TENT4A: variants seen among roughly 807,000 people sequenced by gnomAD.
TENT4A encodes the protein terminal nucleotidyltransferase 4A, also known as DNA polymerase kappa.
Under a neutral mutation model 72.8 loss-of-function variants are expected in TENT4A, and 7 were observed. The ratio of observed to expected loss-of-function variants is 0.10; its 90% confidence interval spans 0.05 to 0.18. TENT4A has a LOEUF of 0.18. Ranked by LOEUF, TENT4A falls within the 10% of genes least tolerant of loss-of-function variation. TENT4A has a pLI of 1.00. For synonymous variants in TENT4A, 456 were observed against 434.3 expected, an observed-to-expected ratio of 1.05 and a Z score of -0.62; for missense variants, 831 against 1,017.7, an observed-to-expected ratio of 0.82 and a Z score of 2.50.
At position 6,755,407 on chromosome 5, in the gene TENT4A, T is replaced by C. The variant is rs181234493; in HGVS notation, c.*462T>C. 24 of 154,318 alleles carry C rather than the reference T, an allele frequency of 1.6e-4. No homozygotes were observed. Among genetic ancestry groups the C allele is most frequent in the Admixed American group, 1.4e-3 (22 of 15,344 alleles). 9.6% of individuals were successfully genotyped at this position (154,318 alleles called of 1,614,324 possible). A position where few individuals can be genotyped will look rare whatever the true frequency, so the allele number is the denominator to read the frequency against. ...CACATTTTGTTTGAAATTTCAGAAC[T>C]GTTTTTCTATGTAAATATTGAAAAC... On this transcript the variant is annotated 3_prime_UTR_variant, in exon 13 of 13. Transcript: ENST00000230859.
chr5:6,714,536 C>T lies in TENT4A; in HGVS notation c.553C>T (p.Pro185Ser), dbSNP rs1740260543. Reference protein sequence around the residue: ...AGSPSQHQFHPGRRKRENKAS... With the variant: ...AGSPSQHQFHSGRRKRENKAS... ...CTCCCCGTCGCAGCACCAGTTCCACCCGGGTCGCCGGAAACGCGAGAACAA... is the reference window on the plus strand; with the variant it reads ...CTCCCCGTCGCAGCACCAGTTCCACTCGGGTCGCCGGAAACGCGAGAACAA... The change falls in exon 1 of 13, where the codon CCG becomes TCG. Residue 185 changes from proline (P) to serine (S), a missense_variant. Coordinates refer to ENST00000230859, the MANE Select transcript of TENT4A (RefSeq NM_006999.6). 7 of 1,195,252 alleles carry T rather than the reference C, an allele frequency of 5.9e-6. No individual in the cohort carries two copies. Among genetic ancestry groups the T allele is most frequent in the African/African-American group, 1.6e-5 (1 of 62,800 alleles). The allele number at this position is 1,195,252 out of a possible 1,614,324, so 74.0% of individuals were successfully genotyped here.
In TENT4A at chr5:6,752,910, C is replaced by T. The variant is rs1166219449; in HGVS notation, c.2057C>T (p.Ala686Val). The T allele has an allele frequency of 6.2e-7, 1 of 1,614,184 alleles. No homozygotes were observed. The highest frequency in any genetic ancestry group is 1.7e-5 in the Admixed American group (1 of 60,020). ...FTIPPPTLGV[A>V]PVPCRQAGVE... ...ATACCTCCACCGACCCTAGGGGTTG[C>T]TCCTGTTCCTTGCAGACAAGCTGGT... The change falls in exon 12 of 13, where the codon GCT (alanine) becomes GTT (valine). Residue 686 changes from alanine to valine, a missense_variant. Physicochemically the swap from Ala to Val is moderately conservative, Grantham distance 64. Coordinates refer to ENST00000230859, the MANE Select transcript of TENT4A (RefSeq NM_006999.6).
chr5:6,750,906 C>T (rs1052272588), intron 10 of TENT4A, 133 bp from the exon 11 acceptor site: 1 of 953,892 alleles, frequency 1.0e-6, no homozygotes, highest in Non-Finnish European at 1.6e-6. Context: ...GCTGCCTGTT[C>T]AGAAGTTAGA....
chr5:6,747,406 A>T (rs1742163264), intron 7 of TENT4A, among the ~76,000 whole-genome samples: 1 of 151,758 alleles, frequency 6.6e-6, no homozygotes. Flanking sequence ...GTATTTTTTT[A>T]TTCAGCTCCT....
At chr5:6,736,525 T>C (rs577741613) in intron 1 of TENT4A, among the ~76,000 whole-genome samples, 2 of 152,262 alleles carry the variant, frequency 1.3e-5, no homozygotes, top group Non-Finnish European at 2.9e-5. Context: ...TGATTTGTTA[T>C]AATTCCTAGG....
In TENT4A at chr5:6,750,399, G is replaced by C. The variant is rs993170367; in HGVS notation, c.1756G>C (p.Glu586Gln). 3 of 1,613,304 alleles carry C rather than the reference G, an allele frequency of 1.9e-6. No individual in the cohort carries two copies. In the Admixed American group the frequency reaches 5.0e-5, roughly 27 times the overall value. ...NGEQTQNREP[E>Q]SPYGQRLTLS... is the part of the protein sequence containing the mutation. ...GGAGCAGACGCAGAACCGAGAGCCC[G>C]AGTCTCCCTATGGCCAGCGCTTGAC... Residue 586 changes from glutamate to glutamine, a missense_variant, in exon 10 of 13, where the codon GAG becomes CAG. Glu to Gln is a conservative substitution (Grantham distance 29, BLOSUM62 2). Coordinates refer to ENST00000230859, the MANE Select transcript of TENT4A (RefSeq NM_006999.6).
At chr5:6,746,487 A>G in intron 7 of TENT4A, 60 bp downstream of exon 7, 1 of 1,530,886 alleles carries the variant, frequency 6.5e-7, no homozygotes, top group Non-Finnish European at 9.0e-7. Context: ...CGTGCTGGTG[A>G]CAGGGCCTGT....
chr5:6,728,486 G>A (rs1741053136), intron 1 of TENT4A, among the ~76,000 whole-genome samples: 2 of 152,186 alleles, frequency 1.3e-5, no homozygotes, highest in South Asian at 2.1e-4. Flanking sequence ...TTTCGGACTT[G>A]TAGGATAGCT....
At chr5:6,731,568 CTTGCACTG>C (rs1261457038) in intron 1 of TENT4A, among the ~76,000 whole-genome samples, 1 of 144,204 alleles carries the variant, frequency 6.9e-6, no homozygotes, top group African/African-American at 2.6e-5. Flanking sequence ...GAGATGGGGT[CTTGCACTG>C]TTGCCCAGAC....
chr5:6,755,022 G>C lies in TENT4A; in HGVS notation c.*77G>C, dbSNP rs1311996468. The C allele has an allele frequency of 3.0e-6, 4 of 1,321,884 alleles. No homozygotes were observed. The highest frequency in any genetic ancestry group is 4.0e-6 in the Non-Finnish European group (4 of 988,018). The allele number at this position is 1,321,884 out of a possible 1,614,324, so 81.9% of individuals were successfully genotyped here. ...CCTCGGCCACCGGCAGGGGAACCGA[G>C]ACCAGCACCCCGCACGTCAGCCGGG... On this transcript the variant is annotated 3_prime_UTR_variant, in exon 13 of 13. Coordinates refer to ENST00000230859, the MANE Select transcript of TENT4A (RefSeq NM_006999.6).
At position 6,714,658 on chromosome 5, in the gene TENT4A, C is replaced by T; in HGVS notation, c.675C>T (p.Gly225=). 2.5e-6 allele frequency: 3 copies of T among 1,198,890 alleles called. No individual in the cohort carries two copies. Among genetic ancestry groups the T allele is most frequent in the Non-Finnish European group, 3.1e-6 (3 of 966,726 alleles). The allele number at this position is 1,198,890 out of a possible 1,614,324, so 74.3% of individuals were successfully genotyped here. ...CCGGGGCCCAGGCGCCGCGGCCCGG[C>T]ACCCCGTGGAAGAGCCGCGCGTACA... ...GGPGAQAPRP[G]TPWKSRAYSP... is the part of the protein sequence containing the mutation. Residue 225 remains glycine (G), a synonymous_variant, in exon 1 of 13, where the codon GGC becomes GGT. Transcript: ENST00000230859.
chr5:6,729,827 C>T (rs1266049395), intron 1 of TENT4A, among the ~76,000 whole-genome samples: 1 of 152,102 alleles, frequency 6.6e-6, no homozygotes, highest in East Asian at 1.9e-4. Flanking sequence ...GGTGCCTCCC[C>T]TGGGTTTGCT....
intron 1 of TENT4A, 104 bp from the exon 2 acceptor site, chr5:6,737,406 C>T (rs1428399061): frequency 3.9e-6 from 4 of 1,035,770 alleles, no homozygotes; most frequent in African/African-American, 3.3e-5. Context: ...AACTGAATTT[C>T]GTGGCCAGAA....
At chr5:6,745,096 A>G (rs1208011575) in intron 6 of TENT4A, among the ~76,000 whole-genome samples, 3 of 152,168 alleles carry the variant, frequency 2.0e-5, no homozygotes, top group African/African-American at 7.2e-5. Flanking sequence ...CTGTGGCAGC[A>G]TCTGAGTTTC....
At chr5:6,729,670 T>G (rs1455036567) in intron 1 of TENT4A, among the ~76,000 whole-genome samples, 1 of 152,256 alleles carries the variant, frequency 6.6e-6, no homozygotes, top group Non-Finnish European at 1.5e-5. Context: ...AAGTGCCTTC[T>G]TGGCCTCTCC....
intron 1 of TENT4A, among the ~76,000 whole-genome samples, chr5:6,737,104 G>T (rs1579475409): frequency 1.3e-5 from 2 of 152,218 alleles, no homozygotes; most frequent in Admixed American, 6.5e-5. Context: ...GGCACTCAGG[G>T]AGGTGCCCAT....
rs1742294076 is a variant in TENT4A, at chr5:6,749,722, C to G, written c.1687+65C>G. 4 of 1,049,248 alleles carry G rather than the reference C, an allele frequency of 3.8e-6. No individual in the cohort carries two copies. The Admixed American group carries it at 7.3e-5, about 19-fold the overall frequency. The allele number at this position is 1,049,248 out of a possible 1,614,324, so 65.0% of individuals were successfully genotyped here. A position where few individuals can be genotyped will look rare whatever the true frequency, so the allele number is the denominator to read the frequency against. On this transcript the variant is annotated intron_variant, in intron 9 of 12. Transcript: ENST00000230859. ...CTGGCATGTTCATGCAGAAGTGTCT[C>G]TATTCCTTTGTGGTAAATTGGTCAA...
chr5:6,725,378 CT>C (rs1422057186), intron 1 of TENT4A, among the ~76,000 whole-genome samples: 3 of 152,210 alleles, frequency 2.0e-5, no homozygotes, highest in African/African-American at 7.2e-5. Context: ...TGATGTCTGT[CT>C]TCTCAGGAGA....
rs1742382385 is a variant in TENT4A, at chr5:6,751,179, C to T, written c.2001C>T (p.Ile667=). 6.2e-7 allele frequency: 1 copy of T among 1,614,252 alleles called. No homozygotes were observed. ...KPQPTTSRTL[I]MTTNNQTRFT... is the part of the protein sequence containing the mutation. ...AGCCCACCACTTCCAGAACACTGAT[C>T]ATGACAACCAACAATCAGGTACGTG... The change falls in exon 11 of 13, where the codon ATC becomes ATT. Residue 667 remains isoleucine, a synonymous_variant. Transcript: ENST00000230859.
Sources: allele counts gnomAD v4.1 joint callset (sites outside exome capture counted in the v4.1 genomes callset), GRCh38; gene constraint gnomAD v4.1.1; transcripts MANE v1.5; gene names NCBI Gene and HGNC (gene_info 2026-07-23, HGNC 2026-07-21).